SEMA3D: variants seen among roughly 807,000 people sequenced by gnomAD.
SEMA3D encodes the protein semaphorin-3D.
In SEMA3D, 84 loss-of-function variants were observed where a neutral mutation model predicts 100.1. The observed-to-expected ratio is 0.84, with a 90% CI of 0.70 to 1.01. SEMA3D has a LOEUF of 1.01. Ranked by LOEUF, SEMA3D falls within the 50% of genes least tolerant of loss-of-function variation. The pLI, the probability that SEMA3D is intolerant of heterozygous loss-of-function variation, is 0.00. For synonymous variants in SEMA3D, 312 were observed against 320.7 expected (o/e 0.97, Z 0.29); for missense variants, 875 against 934.1 (o/e 0.94, Z 0.82).
intron 8 of SEMA3D, among the ~76,000 whole-genome samples, chr7:85,060,422 G>T (rs1791439786): frequency 6.6e-6 from 1 of 151,842 alleles, no homozygotes; most frequent in Non-Finnish European, 1.5e-5. Context: ...GCCAAATTTG[G>T]GTAAAAATAG....
intron 5 of SEMA3D, among the ~76,000 whole-genome samples, chr7:85,074,467 G>A (rs1053280565): frequency 6.6e-6 from 1 of 152,088 alleles, no homozygotes; most frequent in African/African-American, 2.4e-5. Flanking sequence ...TGGCTGTTAT[G>A]TAGATTAAGT....
chr7:85,085,302 G>C (rs1347023395), intron 4 of SEMA3D, among the ~76,000 whole-genome samples: 2 of 152,010 alleles, frequency 1.3e-5, no homozygotes, highest in East Asian at 3.9e-4. Context: ...AAGGATAAAG[G>C]CCATCACAGG....
At chr7:85,021,993 T>C (rs746873816) in intron 13 of SEMA3D, among the ~76,000 whole-genome samples, 19 of 151,842 alleles carry the variant, frequency 1.3e-4, no homozygotes, top group Non-Finnish European at 2.4e-4. Flanking sequence ...TTTCTGAAAA[T>C]CTATCTTAAG....
chr7:85,043,804 GCTC>G (rs1026652402), intron 9 of SEMA3D, among the ~76,000 whole-genome samples: 29 of 152,116 alleles, frequency 1.9e-4, no homozygotes, highest in African/African-American at 6.5e-4. Context: ...GATGTGACTT[GCTC>G]CTCCTTGCCT....
At position 85,062,496 on chromosome 7, in the gene SEMA3D, A is replaced by C. The variant is rs140898723; in HGVS notation, c.718+2928T>G. 5.0e-3 allele frequency among the ~76,000 whole-genome samples: 758 copies of C among 152,314 alleles called. 10 individuals carry two copies. Among genetic ancestry groups the C allele is most frequent in the African/African-American group, 0.017 (706 of 41,572 alleles). ...GAGAGGAAGAAGAGGAAGGAATCAA[A>C]GATAACTCCAAGGTAACTGGGTGGA... On this transcript the variant is annotated intron_variant, in intron 8 of 18. Coordinates refer to ENST00000284136, the MANE Select transcript of SEMA3D (RefSeq NM_001384900.1).
the SEMA3D span, among the ~76,000 whole-genome samples, chr7:85,229,171 C>T: frequency 1.3e-5 from 2 of 151,882 alleles, no homozygotes; most frequent in Admixed American, 6.6e-5. Flanking sequence ...ATATATGACA[C>T]CATATTTTAG....
In SEMA3D at chr7:85,137,015, C is replaced by T. The variant is rs553746428; in HGVS notation, c.-40-15084G>A. ...AGGAATGTGACTTATGTAGTTTTAG[C>T]CAAGCAAAGTGTCTATGAATATTTT... On this transcript the variant is annotated intron_variant, in intron 2 of 18. Transcript: ENST00000284136. Among the ~76,000 whole-genome samples, 5 of 152,036 alleles carry T rather than the reference C, an allele frequency of 3.3e-5. No homozygotes were observed. The South Asian group carries it at 1.0e-3, about 32-fold the overall frequency.
At chr7:85,070,937 C>G (rs772365952) in intron 6 of SEMA3D, among the ~76,000 whole-genome samples, 2 of 152,152 alleles carry the variant, frequency 1.3e-5, no homozygotes, top group East Asian at 3.9e-4. Context: ...CATGCCACCA[C>G]GCTCGGCTAC....
In SEMA3D at chr7:85,147,324, A is replaced by T. The variant is rs547453542; in HGVS notation, c.-41+6284T>A. ...GCCATGTGGGCCAGGCAGGTCTCAA[A>T]TGCCTGACCTCAAGTGATCTGCCCA... On this transcript the variant is annotated intron_variant, in intron 2 of 18. Transcript: ENST00000284136. 2.0e-5 allele frequency among the ~76,000 whole-genome samples: 3 copies of T among 151,784 alleles called. No individual in the cohort carries two copies. The East Asian group carries it at 5.8e-4, about 30-fold the overall frequency.
At chr7:85,010,818 G>C (rs187626474) in intron 17 of SEMA3D, among the ~76,000 whole-genome samples, 4 of 151,752 alleles carry the variant, frequency 2.6e-5, no homozygotes, top group African/African-American at 9.6e-5. Context: ...TTCAGAATTG[G>C]ACTATGAATT....
At chr7:85,035,336 A>C (rs899611589) in intron 12 of SEMA3D, among the ~76,000 whole-genome samples, 2 of 151,790 alleles carry the variant, frequency 1.3e-5, no homozygotes, top group African/African-American at 4.8e-5. Flanking sequence ...ATATGTGCAT[A>C]TAGATATCAT....
At chr7:85,013,970 C>T (rs1479106168) in intron 16 of SEMA3D, among the ~76,000 whole-genome samples, 1 of 151,656 alleles carries the variant, frequency 6.6e-6, no homozygotes, top group East Asian at 1.9e-4. Flanking sequence ...AGTTCTTGGC[C>T]AAAAACCATA....
Position 85,121,733 on chromosome 7 carries a change from A to G in SEMA3D, c.151+8T>C, listed in dbSNP as rs78322562. On this transcript the variant is annotated splice_region_variant and intron_variant, in intron 3 of 18. Transcript: ENST00000284136. ...AATAAACAATTTAGAAAATATGTATATATTTACCTTTGTAGGTTAGCTTGA... is the reference window on the plus strand; with the variant it reads ...AATAAACAATTTAGAAAATATGTATGTATTTACCTTTGTAGGTTAGCTTGA... 2.2e-4 allele frequency: 318 copies of G among 1,470,158 alleles called. No homozygotes were observed. The African/African-American group carries it at 3.5e-3, about 16-fold the overall frequency. 91.1% of individuals were successfully genotyped at this position (1,470,158 alleles called of 1,614,324 possible). A position where few individuals can be genotyped will look rare whatever the true frequency, so the allele number is the denominator to read the frequency against.
rs1249010525 is a variant in SEMA3D at position 84,996,799 on chromosome 7, C to G, written c.*2641G>C. On this transcript the variant is annotated 3_prime_UTR_variant, in exon 19 of 19. Transcript: ENST00000284136. Reference sequence around the variant, plus strand: ...AGTCAATTTCTTAGCATATTTGAAACCATTAACTATACTTTTCTTTTTCAT... The same window carrying G: ...AGTCAATTTCTTAGCATATTTGAAAGCATTAACTATACTTTTCTTTTTCAT... 1 of 151,876 alleles carries G rather than the reference C, an allele frequency of 6.6e-6. No individual in the cohort carries two copies. The highest frequency in any genetic ancestry group is 1.5e-5 in the Non-Finnish European group (1 of 67,866). The allele number at this position is 151,876 out of a possible 1,614,324, so 9.4% of individuals were successfully genotyped here.
chr7:85,129,785 C>T (rs375633447), intron 2 of SEMA3D, among the ~76,000 whole-genome samples: 1 of 151,860 alleles, frequency 6.6e-6, no homozygotes, highest in African/African-American at 2.4e-5. Flanking sequence ...TTTATATAAA[C>T]GGATAAAGAA....
the SEMA3D span, among the ~76,000 whole-genome samples, chr7:85,233,693 G>A: frequency 7.0e-4 from 107 of 152,290 alleles, no homozygotes; most frequent in Non-Finnish European, 1.1e-3. Flanking sequence ...GTGGAGATCA[G>A]TCTGGTTTTA....
At chr7:85,114,360 C>T (rs776778279) in intron 3 of SEMA3D, among the ~76,000 whole-genome samples, 7 of 152,064 alleles carry the variant, frequency 4.6e-5, no homozygotes, top group African/African-American at 7.2e-5. Context: ...GGGAAATATA[C>T]GCTTCATAGT....
chr7:85,035,620 A>C (rs1790672970), intron 12 of SEMA3D, among the ~76,000 whole-genome samples: 1 of 152,034 alleles, frequency 6.6e-6, no homozygotes, highest in South Asian at 2.1e-4. Context: ...ATGCACACAA[A>C]GTTTCTGTTA....
intron 2 of SEMA3D, chr7:85,144,254 T>C (rs1401191833): frequency 6.2e-6 from 1 of 162,448 alleles, no homozygotes; most frequent in African/African-American, 2.4e-5. Flanking sequence ...GTATTCTGAT[T>C]TCATAAAATT....
Sources: allele counts gnomAD v4.1 joint callset (sites outside exome capture counted in the v4.1 genomes callset), GRCh38; gene constraint gnomAD v4.1.1; transcripts MANE v1.5; gene names NCBI Gene and HGNC (gene_info 2026-07-23, HGNC 2026-07-21).